Variants in RABEPK observed in about 807,000 individuals in gnomAD.
RABEPK encodes Rab9 effector protein with kelch motifs.
A neutral mutation model predicts 34.1 loss-of-function variants in RABEPK; 27 were observed. The ratio of observed to expected loss-of-function variants is 0.79; its 90% CI spans 0.58 to 1.09. The LOEUF (loss-of-function observed/expected upper bound fraction) is 1.09. Ranked by LOEUF, RABEPK falls within the 50% of genes least tolerant of loss-of-function variation. The pLI is 0.00. For synonymous variants in RABEPK, 172 were observed against 169.2 expected, an observed-to-expected ratio of 1.02 and a Z score of -0.13; for missense variants, 449 against 462.6, an observed-to-expected ratio of 0.97 and a Z score of 0.27.
chr9:125,217,304 C>T (rs1289230215), intron 4 of RABEPK, among the ~76,000 whole-genome samples: 1 of 152,112 alleles, frequency 6.6e-6, no homozygotes, highest in African/African-American at 2.4e-5. Flanking sequence ...TTCTGGAACC[C>T]TGGCCTTTTG....
Position 125,232,615 on chromosome 9 carries a change from G to A in RABEPK, c.696G>A (p.Lys232=). ...TGGCAGGTGACATGAAATGGCAGAA[G>A]CTAAATCCCACTGGGGCTGCTCCAG... ...CIDISDMKWQ[K]LNPTGAAPAG... The change falls in exon 7 of 8, where the codon AAG becomes AAA. Residue 232 remains lysine (K), a synonymous_variant. Transcript: ENST00000373538. 6.2e-7 allele frequency: 1 copy of A among 1,613,468 alleles called. No individual in the cohort carries two copies. The highest frequency in any genetic ancestry group is 8.5e-7 in the Non-Finnish European group (1 of 1,179,684).
chr9:125,209,292 C>A (rs1261384601), intron 3 of RABEPK, among the ~76,000 whole-genome samples: 1 of 151,698 alleles, frequency 6.6e-6, no homozygotes, highest in Non-Finnish European at 1.5e-5. Flanking sequence ...AAATCCTGAC[C>A]TGGTGATCCT....
At chr9:125,232,038 TA>T (rs1832220719) in intron 6 of RABEPK, among the ~76,000 whole-genome samples, 2 of 151,424 alleles carry the variant, frequency 1.3e-5, no homozygotes, top group African/African-American at 4.8e-5. Context: ...TAGCTGGGAT[TA>T]CAGGCATGCA....
chr9:125,225,837 C>T (rs759175674), intron 5 of RABEPK, among the ~76,000 whole-genome samples: 8 of 151,894 alleles, frequency 5.3e-5, no homozygotes, highest in Non-Finnish European at 7.4e-5. Flanking sequence ...GTGGTAGGCA[C>T]CTGTAATCCC....
At chr9:125,222,478 TGAG>T (rs926889403) in intron 5 of RABEPK, 2 of 151,352 alleles carry the variant, frequency 1.3e-5, no homozygotes, top group Non-Finnish European at 2.9e-5. Flanking sequence ...TTTGGGAGGC[TGAG>T]GAGGGCAGAT....
chr9:125,217,877 T>C (rs1831034462), intron 4 of RABEPK, among the ~76,000 whole-genome samples: 1 of 152,148 alleles, frequency 6.6e-6, no homozygotes, highest in Admixed American at 6.6e-5. Flanking sequence ...AGGCTGAGAC[T>C]TTTTCAGTCT....
chr9:125,215,651 T>C (rs892839305), intron 4 of RABEPK, among the ~76,000 whole-genome samples: 2 of 152,112 alleles, frequency 1.3e-5, no homozygotes, highest in Non-Finnish European at 2.9e-5. Flanking sequence ...CCATTATATA[T>C]AAAATACTCC....
At chr9:125,224,609 C>A (rs1488258930) in intron 5 of RABEPK, among the ~76,000 whole-genome samples, 5 of 151,958 alleles carry the variant, frequency 3.3e-5, no homozygotes, top group African/African-American at 4.8e-5. Context: ...CATGCCACCA[C>A]GCCTGGCTAA....
chr9:125,233,186 A>G (rs1832331198), intron 7 of RABEPK, among the ~76,000 whole-genome samples: 1 of 152,096 alleles, frequency 6.6e-6, no homozygotes, highest in Non-Finnish European at 1.5e-5. Flanking sequence ...GACATCAGGA[A>G]AGCAGCAATG....
chr9:125,224,314 A>G (rs1831578887), intron 5 of RABEPK, among the ~76,000 whole-genome samples: 1 of 152,136 alleles, frequency 6.6e-6, no homozygotes. Context: ...ACAGCTTTGA[A>G]GATAAGAAGG....
At chr9:125,218,915 A>G (rs1304758491) in intron 4 of RABEPK, among the ~76,000 whole-genome samples, 4 of 151,990 alleles carry the variant, frequency 2.6e-5, no homozygotes, top group Non-Finnish European at 5.9e-5. Context: ...ATTTTTTTGT[A>G]GAGACAGGGT....
intron 3 of RABEPK, among the ~76,000 whole-genome samples, chr9:125,211,955 C>T (rs1830615218): frequency 6.6e-6 from 1 of 150,712 alleles, no homozygotes; most frequent in South Asian, 2.1e-4. Context: ...GGCAACAGAG[C>T]AAGACTCCAT....
chr9:125,231,894 ATT>A (rs555538576), intron 6 of RABEPK, among the ~76,000 whole-genome samples: 3,997 of 112,514 alleles, frequency 0.036, 61 homozygotes, highest in Middle Eastern at 0.14. Context: ...AAGGAACTGT[ATT>A]TTTTTTTTTT....
At position 125,208,716 on chromosome 9, in the gene RABEPK, T is replaced by C. The variant is rs183606630; in HGVS notation, c.211+995T>C. 1.3e-3 allele frequency among the ~76,000 whole-genome samples: 205 copies of C among 152,200 alleles called. 3 individuals are homozygous for C. The highest frequency in any genetic ancestry group is 4.8e-3 in the African/African-American group (199 of 41,534). On this transcript the variant is annotated intron_variant, in intron 3 of 7. Transcript: ENST00000373538. ...ACACCCAGCTAATCTTTTGTATTTT[T>C]AGTAGAGACTGAGTTTCACCATGTT...
At chr9:125,206,788 A>C (rs1327562015) in intron 2 of RABEPK, among the ~76,000 whole-genome samples, 2 of 152,006 alleles carry the variant, frequency 1.3e-5, no homozygotes, top group Non-Finnish European at 2.9e-5. Context: ...CATCTTTTGC[A>C]GTAAGAACTG....
chr9:125,220,521 G>A lies in RABEPK; in HGVS notation c.365-18G>A, dbSNP rs1425920867. The A allele has an allele frequency of 6.2e-7, 1 of 1,607,276 alleles. No individual in the cohort carries two copies. The highest frequency in any genetic ancestry group is 1.3e-5 in the African/African-American group (1 of 74,738). On this transcript the variant is annotated intron_variant, in intron 4 of 7. Transcript: ENST00000373538. ...CTCTACCTGGATATTTTAAGTGCCT[G>A]CATTCTCTCTGGCCCAGAAACCAGG...
At chr9:125,211,793 C>T (rs956616937) in intron 3 of RABEPK, among the ~76,000 whole-genome samples, 2 of 152,126 alleles carry the variant, frequency 1.3e-5, no homozygotes, top group Non-Finnish European at 1.5e-5. Flanking sequence ...TATGGTGAAA[C>T]CCCCATCTCT....
chr9:125,231,061 G>A (rs1391391309), intron 6 of RABEPK, among the ~76,000 whole-genome samples: 1 of 151,976 alleles, frequency 6.6e-6, no homozygotes, highest in Non-Finnish European at 1.5e-5. Context: ...CCAGCACTTT[G>A]GGAGGCCGAG....
intron 3 of RABEPK, among the ~76,000 whole-genome samples, chr9:125,209,474 T>A (rs1830453298): frequency 6.6e-6 from 1 of 152,066 alleles, no homozygotes; most frequent in Non-Finnish European, 1.5e-5. Flanking sequence ...CTCAGCCTCC[T>A]GAATAGCTGG....
Sources: allele counts gnomAD v4.1 joint callset (sites outside exome capture counted in the v4.1 genomes callset), GRCh38; gene constraint gnomAD v4.1.1; transcripts MANE v1.5; gene names NCBI Gene and HGNC (gene_info 2026-07-23, HGNC 2026-07-21).